Variants in MYH9 observed in about 807,000 individuals in gnomAD.
The protein encoded by MYH9 is myosin heavy chain 9.
In MYH9, 29 loss-of-function variants were observed where a neutral mutation model predicts 241.9. That is an observed-to-expected ratio of 0.12 (90% confidence interval 0.09 to 0.16). The LOEUF is 0.16. MYH9 is among the 10% of genes least tolerant of loss of function. MYH9 has a pLI of 1.00. For synonymous variants in MYH9, 1,047 were observed against 1,062.6 expected, an observed-to-expected ratio of 0.99 and a Z score of 0.29; for missense variants, 1,803 against 2,595.5, an observed-to-expected ratio of 0.69 and a Z score of 6.63.
intron 14 of MYH9, among the ~76,000 whole-genome samples, chr22:36,311,246 A>G (rs916927258): frequency 6.6e-6 from 1 of 152,236 alleles, no homozygotes; most frequent in African/African-American, 2.4e-5. Context: ...TCTAAGCCCC[A>G]GTCACATGCA....
intron 31 of MYH9, among the ~76,000 whole-genome samples, chr22:36,291,305 A>C (rs2016697870): frequency 6.6e-6 from 1 of 152,238 alleles, no homozygotes; most frequent in South Asian, 2.1e-4. Context: ...AGAAGTATAC[A>C]TGGGAGACTT....
intron 1 of MYH9, among the ~76,000 whole-genome samples, chr22:36,381,643 GT>G (rs2018257459): frequency 6.6e-6 from 1 of 152,138 alleles, no homozygotes; most frequent in Non-Finnish European, 1.5e-5. Context: ...ACAGAGCAGA[GT>G]TTACATACCA....
At chr22:36,325,917 C>G (rs1448219603) in intron 5 of MYH9, among the ~76,000 whole-genome samples, 2 of 152,224 alleles carry the variant, frequency 1.3e-5, no homozygotes, top group Non-Finnish European at 2.9e-5. Context: ...CAGAAAGTGA[C>G]AAGTGTGGGG....
chr22:36,338,590 C>A (rs552775407), intron 3 of MYH9, among the ~76,000 whole-genome samples: 2 of 151,524 alleles, frequency 1.3e-5, no homozygotes, highest in African/African-American at 4.9e-5. Context: ...GAGGCCGAGG[C>A]GGGTGGATCA....
intron 5 of MYH9, chr22:36,324,900 T>C (rs2017311407): frequency 5.0e-6 from 3 of 599,222 alleles, no homozygotes; most frequent in South Asian, 3.9e-5. Context: ...CCTTCCCCTC[T>C]ACAACAGGAA....
intron 6 of MYH9, 38 bp downstream of exon 6, chr22:36,322,391 C>G (rs1730006772): frequency 1.5e-5 from 24 of 1,606,176 alleles, no homozygotes; most frequent in Non-Finnish European, 2.0e-5. Flanking sequence ...GGGCAAGGCC[C>G]TCTGTCCCCA....
At chr22:36,334,393 G>A (rs1174568653) in intron 3 of MYH9, among the ~76,000 whole-genome samples, 1 of 152,214 alleles carries the variant, frequency 6.6e-6, no homozygotes, top group African/African-American at 2.4e-5. Flanking sequence ...AAGTGTCTCA[G>A]GGCTGCAGAA....
intron 12 of MYH9, among the ~76,000 whole-genome samples, chr22:36,315,080 G>A (rs759062254): frequency 4.0e-5 from 6 of 151,686 alleles, no homozygotes; most frequent in South Asian, 2.1e-4. Context: ...CACCGCACCC[G>A]GCCTCTGTGC....
rs779651768 is a variant in MYH9 at position 36,293,714 on chromosome 22, C to T, written c.3942+45G>A. The T allele has an allele frequency of 6.4e-7, 1 of 1,560,028 alleles. No homozygotes were observed. The highest frequency in any genetic ancestry group is 1.1e-5 in the South Asian group (1 of 89,532). ...GCTAATGTTGCGTGGACACAGAGGC[C>T]TTTCTGGAGGGGTCCACCTTCTGGG... On this transcript the variant is annotated intron_variant, in intron 29 of 40. Coordinates refer to ENST00000216181, the MANE Select transcript of MYH9 (RefSeq NM_002473.6). This position sits in a 1 kb window ranked among gnomAD's most constrained non-coding sequence, Gnocchi z 5.1.
intron 2 of MYH9, among the ~76,000 whole-genome samples, chr22:36,343,845 G>A (rs960621697): frequency 3.3e-5 from 5 of 152,172 alleles, no homozygotes; most frequent in African/African-American, 1.2e-4. Flanking sequence ...GAGCAGCAAG[G>A]TCACCCCAGG....
chr22:36,342,070 C>G (rs1603483882), intron 2 of MYH9, among the ~76,000 whole-genome samples: 1 of 152,242 alleles, frequency 6.6e-6, no homozygotes, highest in East Asian at 1.9e-4. Flanking sequence ...ACAGACACCT[C>G]TTTCTCTGGA....
intron 1 of MYH9, among the ~76,000 whole-genome samples, chr22:36,368,540 G>A (rs770953205): frequency 7.9e-5 from 12 of 152,198 alleles, no homozygotes; most frequent in East Asian, 1.9e-4. Context: ...AAGGAGAAGC[G>A]CAGAGGTGGA....
intron 40 of MYH9, 61 bp from the exon 41 acceptor site, chr22:36,282,846 C>G: frequency 7.3e-7 from 1 of 1,379,182 alleles, no homozygotes; most frequent in Non-Finnish European, 1.0e-6. Context: ...GCGGCCACAG[C>G]ACAGCCCACA....
intron 20 of MYH9, 53 bp downstream of exon 20, chr22:36,302,515 T>C: frequency 4.2e-6 from 6 of 1,414,642 alleles, no homozygotes; most frequent in Non-Finnish European, 5.0e-6. Flanking sequence ...CAGGTATGTA[T>C]GGTGGTGTGC....
At chr22:36,384,831 G>A (rs2018326492) in intron 1 of MYH9, among the ~76,000 whole-genome samples, 1 of 151,564 alleles carries the variant, frequency 6.6e-6, no homozygotes, top group Non-Finnish European at 1.5e-5. Context: ...AACTCGGCCT[G>A]TTTCCAAAGC....
intron 40 of MYH9, among the ~76,000 whole-genome samples, chr22:36,283,576 C>T (rs942911613): frequency 6.8e-5 from 10 of 146,982 alleles, no homozygotes; most frequent in African/African-American, 2.5e-4. Flanking sequence ...AACACGTAAA[C>T]ACATAAGAAA....
rs1055206827 is a variant in MYH9, at chr22:36,325,225, T to C, written c.612+1343A>G. 10 of 664,198 alleles carry C rather than the reference T, an allele frequency of 1.5e-5. No individual in the cohort carries two copies. The Admixed American group carries it at 1.9e-4, about 12-fold the overall frequency. 41.1% of individuals were successfully genotyped at this position (664,198 alleles called of 1,614,324 possible). A position where few individuals can be genotyped will look rare whatever the true frequency, so the allele number is the denominator to read the frequency against. ...AAAAGAAACTGTATTAGTTTCTAAATATAACTCCTGACGCCCCATGGAAAA... is the reference window on the plus strand; with the variant it reads ...AAAAGAAACTGTATTAGTTTCTAAACATAACTCCTGACGCCCCATGGAAAA... On this transcript the variant is annotated intron_variant, in intron 5 of 40. Transcript: ENST00000216181.
chr22:36,356,867 A>G (rs1209171472), intron 1 of MYH9, among the ~76,000 whole-genome samples: 1 of 152,236 alleles, frequency 6.6e-6, no homozygotes, highest in Non-Finnish European at 1.5e-5. Context: ...TCACTGCTGA[A>G]TCCAACACCC....
Position 36,285,730 on chromosome 22 carries a change from C to G in MYH9, c.5202G>C (p.Leu1734=). 1 of 1,613,098 alleles carries G rather than the reference C, an allele frequency of 6.2e-7. No individual in the cohort carries two copies. The highest frequency in any genetic ancestry group is 1.1e-5 in the South Asian group (1 of 90,966). The change falls in exon 37 of 41, where the codon CTG becomes CTC. Residue 1734 remains leucine, a synonymous_variant. Coordinates refer to ENST00000216181, the MANE Select transcript of MYH9 (RefSeq NM_002473.6). This position sits in a 1 kb window ranked among gnomAD's most constrained non-coding sequence, Gnocchi z 7.0. ...CCTGCTCCTCCTCCAGCTCCTCCTC[C>G]AGCTGGGCGATGCGGGCCTCCAGAC... ...KRRLEARIAQ[L]EEELEEEQGN... is the part of the protein sequence containing the mutation.
Sources: gnomAD v4.1 joint callset for allele counts (sites outside exome capture counted in the v4.1 genomes callset) on GRCh38, gnomAD v4.1.1 for gene constraint, Gnocchi (gnomAD v3.1) non-coding constraint, MANE v1.5 for transcripts, NCBI Gene and HGNC (gene_info 2026-07-23, HGNC 2026-07-21) for gene names.